Variants in FAM193A observed in about 807,000 individuals in gnomAD.
The protein encoded by FAM193A is protein FAM193A.
In FAM193A, 22 loss-of-function variants were observed where a neutral mutation model predicts 126.5. The observed-to-expected ratio is 0.17, with a 90% CI of 0.12 to 0.25. FAM193A has a LOEUF of 0.25. FAM193A is among the 10% of genes least tolerant of loss of function. The pLI is 1.00. For synonymous variants in FAM193A, 761 were observed against 646.8 expected, an observed-to-expected ratio of 1.18 and a Z score of -2.68; for missense variants, 1,675 against 1,672.8, an observed-to-expected ratio of 1.00 and a Z score of -0.02.
At chr4:2,655,214 T>A in intron 7 of FAM193A, 1 of 552,030 alleles carries the variant, frequency 1.8e-6, no homozygotes, top group East Asian at 2.8e-5. Flanking sequence ...CCTTTATTTC[T>A]AGTTGATTTA....
At chr4:2,633,022 T>C (rs1335335521) in intron 5 of FAM193A, among the ~76,000 whole-genome samples, 1 of 152,204 alleles carries the variant, frequency 6.6e-6, no homozygotes, top group Non-Finnish European at 1.5e-5. Context: ...TACTGTAGGA[T>C]ACTGTTTTAT....
intron 20 of FAM193A, among the ~76,000 whole-genome samples, chr4:2,724,124 C>A (rs1482176567): frequency 6.6e-6 from 1 of 151,694 alleles, no homozygotes; most frequent in East Asian, 1.9e-4. Flanking sequence ...AAAGAGAAAA[C>A]CAGTTGCATC....
At chr4:2,629,862 T>A (rs1743367966) in intron 4 of FAM193A, among the ~76,000 whole-genome samples, 1 of 152,218 alleles carries the variant, frequency 6.6e-6, no homozygotes, top group Non-Finnish European at 1.5e-5. Flanking sequence ...CCGGGTGCGG[T>A]GGCTCACGCC....
At chr4:2,646,860 C>G in intron 7 of FAM193A, 28 bp downstream of exon 7, 1 of 1,591,976 alleles carries the variant, frequency 6.3e-7, no homozygotes, top group South Asian at 1.1e-5. Context: ...CCACCGCACC[C>G]CGCGCACATC....
intron 1 of FAM193A, among the ~76,000 whole-genome samples, chr4:2,575,692 CCTGA>C (rs1232537969): frequency 6.6e-6 from 1 of 152,038 alleles, no homozygotes; most frequent in Non-Finnish European, 1.5e-5. Context: ...GTCTTGAACT[CCTGA>C]CCTCAGGGGA....
chr4:2,547,480 G>C (rs1184417552), intron 1 of FAM193A, among the ~76,000 whole-genome samples: 1 of 151,990 alleles, frequency 6.6e-6, no homozygotes. Flanking sequence ...TCTATCTCCA[G>C]GGCTCCAGCG....
At chr4:2,704,470 C>A (rs1337075950) in intron 19 of FAM193A, among the ~76,000 whole-genome samples, 1 of 151,984 alleles carries the variant, frequency 6.6e-6, no homozygotes, top group Non-Finnish European at 1.5e-5. Flanking sequence ...GACACCGATG[C>A]AGGAGGATCA....
At chr4:2,657,742 T>C in intron 7 of FAM193A, 61 bp from the exon 8 acceptor site, 1 of 1,050,882 alleles carries the variant, frequency 9.5e-7, no homozygotes, top group Non-Finnish European at 1.4e-6. Context: ...AAATGTCTTG[T>C]ATAATTGTCG....
intron 19 of FAM193A, among the ~76,000 whole-genome samples, chr4:2,712,642 G>T (rs1259157869): frequency 6.6e-6 from 1 of 152,178 alleles, no homozygotes. Flanking sequence ...GAGCCAAATT[G>T]AAAATCTTCT....
chr4:2,665,832 G>A (rs1713048778), intron 12 of FAM193A, among the ~76,000 whole-genome samples: 1 of 152,122 alleles, frequency 6.6e-6, no homozygotes. Context: ...CAGTCTGGAT[G>A]CTTTTAATTT....
At chr4:2,644,052 G>A (rs577291646) in intron 6 of FAM193A, among the ~76,000 whole-genome samples, 1 of 152,188 alleles carries the variant, frequency 6.6e-6, no homozygotes, top group South Asian at 2.1e-4. Flanking sequence ...TCTTGTATTT[G>A]CAAGCTCAAT....
intron 2 of FAM193A, among the ~76,000 whole-genome samples, chr4:2,602,695 C>G (rs1186795547): frequency 1.3e-5 from 2 of 151,268 alleles, no homozygotes; most frequent in African/African-American, 4.9e-5. Flanking sequence ...GAATCTCGCT[C>G]TGTTGCCCAG....
intron 2 of FAM193A, among the ~76,000 whole-genome samples, chr4:2,622,175 T>C (rs553165766): frequency 2.0e-5 from 3 of 146,504 alleles, no homozygotes; most frequent in African/African-American, 7.7e-5. Context: ...GACGATTGCT[T>C]GAGCCTGGGA....
intron 20 of FAM193A, among the ~76,000 whole-genome samples, chr4:2,723,402 C>G (rs1253351820): frequency 6.6e-6 from 1 of 151,902 alleles, no homozygotes; most frequent in Non-Finnish European, 1.5e-5. Flanking sequence ...TGTTGAAACC[C>G]CCTCTCTACT....
At chr4:2,716,439 G>A (rs1214175077) in intron 20 of FAM193A, among the ~76,000 whole-genome samples, 1 of 152,202 alleles carries the variant, frequency 6.6e-6, no homozygotes, top group African/African-American at 2.4e-5. Context: ...GTCTCCTGGG[G>A]ATACAGGCCC....
At chr4:2,550,521 C>G (rs924734142) in intron 1 of FAM193A, among the ~76,000 whole-genome samples, 2 of 152,162 alleles carry the variant, frequency 1.3e-5, no homozygotes, top group Middle Eastern at 6.8e-3. Flanking sequence ...ACTGCAACCT[C>G]TGCCTCCCGG....
intron 13 of FAM193A, among the ~76,000 whole-genome samples, chr4:2,684,722 C>T (rs764474244): frequency 3.3e-5 from 5 of 152,184 alleles, no homozygotes; most frequent in African/African-American, 4.8e-5. Flanking sequence ...CGATGGTGTA[C>T]GGCTGTTCCT....
At chr4:2,687,327 A>G (rs1195083436) in intron 13 of FAM193A, among the ~76,000 whole-genome samples, 6 of 152,214 alleles carry the variant, frequency 3.9e-5, no homozygotes, top group African/African-American at 1.4e-4. Context: ...ACACTCACTG[A>G]ATACTTACTA....
At chr4:2,710,177 C>CTTTTTTTTTTTTTTTTTTTTTTTTT (rs1300302935) in intron 19 of FAM193A, among the ~76,000 whole-genome samples, 2 of 73,854 alleles carry the variant, frequency 2.7e-5, no homozygotes, top group African/African-American at 5.7e-5. Context: ...TTTTTTTTTT[C>CTTTTTTTTTTTTTTTTTTTTTTTTT]TTTTTTTTTT....
Sources: gnomAD v4.1 joint callset for allele counts (sites outside exome capture counted in the v4.1 genomes callset) on GRCh38, gnomAD v4.1.1 for gene constraint, MANE v1.5 for transcripts, NCBI Gene and HGNC (gene_info 2026-07-23, HGNC 2026-07-21) for gene names.